The following PCDH15 variants were observed in gnomAD, a reference collection of about 807,000 sequenced individuals.
PCDH15 encodes the protein protocadherin-15.
Under a neutral mutation model 178.5 loss-of-function variants are expected in PCDH15, and 129 were observed. The observed-to-expected ratio is 0.72, with a 90% CI of 0.63 to 0.84. PCDH15 has a LOEUF of 0.84. PCDH15 is among the 40% of genes least tolerant of loss of function. PCDH15 has a pLI of 0.00. For missense variants in PCDH15, 2,230 were observed against 2,099.9 expected, an observed-to-expected ratio of 1.06 and a Z score of -1.21; for synonymous variants, 800 against 732.0, an observed-to-expected ratio of 1.09 and a Z score of -1.50.
At chr10:54,392,351 A>G (rs988032381) in intron 3 of PCDH15, among the ~76,000 whole-genome samples, 9 of 151,192 alleles carry the variant, frequency 6.0e-5, no homozygotes, top group African/African-American at 1.9e-4. Flanking sequence ...CTGTGATCCC[A>G]GCTACTTGGG....
At chr10:54,151,696 T>C (rs1402010852) in intron 14 of PCDH15, among the ~76,000 whole-genome samples, 17 of 152,104 alleles carry the variant, frequency 1.1e-4, no homozygotes, top group African/African-American at 4.1e-4. Context: ...AAATGCAAAA[T>C]GTTCTTGGAT....
intron 1 of PCDH15, among the ~76,000 whole-genome samples, chr10:55,220,671 T>TA (rs1306855959): frequency 6.6e-6 from 1 of 152,076 alleles, no homozygotes; most frequent in East Asian, 1.9e-4. Flanking sequence ...TTAGAAAAGA[T>TA]ACAGTGAAAA....
chr10:55,350,035 C>G (rs1165351495), intron 2 of PCDH15, among the ~76,000 whole-genome samples: 1 of 151,572 alleles, frequency 6.6e-6, no homozygotes, highest in African/African-American at 2.4e-5. Flanking sequence ...GCCACTTCCT[C>G]TCAATTTTCT....
rs527756298 is a variant in PCDH15 at position 54,596,178 on chromosome 10, A to G, written c.91+67994T>C. 3.9e-5 allele frequency among the ~76,000 whole-genome samples: 6 copies of G among 152,282 alleles called. No homozygotes were observed. In the South Asian group the frequency reaches 1.2e-3, roughly 32 times the overall value. On this transcript the variant is annotated intron_variant, in intron 2 of 37. Transcript: ENST00000644397. ...ATAATTATCAGGTTCTGTAAGGTCAAAATGAAAGAAAAAAATGTTAAAAGT... is the reference window on the plus strand; with the variant it reads ...ATAATTATCAGGTTCTGTAAGGTCAGAATGAAAGAAAAAAATGTTAAAAGT...
intron 2 of PCDH15, among the ~76,000 whole-genome samples, chr10:55,008,298 T>C (rs1435487390): frequency 2.0e-5 from 3 of 152,044 alleles, no homozygotes; most frequent in Admixed American, 6.6e-5. Flanking sequence ...TTTAACTCTA[T>C]GGGCACATGT....
At position 54,066,891 on chromosome 10, in the gene PCDH15, A is replaced by G. The variant is rs780684363; in HGVS notation, c.2092-6T>C. The G allele has an allele frequency of 1.9e-6, 3 of 1,612,794 alleles. No homozygotes were observed. The South Asian group carries it at 3.3e-5, about 18-fold the overall frequency. On this transcript the variant is annotated splice_polypyrimidine_tract_variant and splice_region_variant and intron_variant, in intron 17 of 37. Coordinates refer to ENST00000644397, the MANE Select transcript of PCDH15 (RefSeq NM_001384140.1). ...TTTACTGTGGCAGTTGAGGTCTTAA[A>G]GAAAAACACAAGCATTAAATGTGAG...
At chr10:55,521,938 C>A (rs922394935) in intron 2 of PCDH15, among the ~76,000 whole-genome samples, 1 of 151,862 alleles carries the variant, frequency 6.6e-6, no homozygotes, top group African/African-American at 2.4e-5. Flanking sequence ...ATGTTGCTAG[C>A]TGGGAAAATG....
chr10:55,420,929 A>T (rs1838605836), intron 2 of PCDH15, among the ~76,000 whole-genome samples: 2 of 151,730 alleles, frequency 1.3e-5, no homozygotes, highest in South Asian at 4.1e-4. Context: ...TATCTGCTTT[A>T]AAATTACTTA....
At chr10:54,139,138 T>C (rs923797307) in intron 14 of PCDH15, among the ~76,000 whole-genome samples, 1 of 152,174 alleles carries the variant, frequency 6.6e-6, no homozygotes. Context: ...TAGAAGGTTA[T>C]AGAACTATAA....
intron 3 of PCDH15, among the ~76,000 whole-genome samples, chr10:54,419,800 T>C (rs1270741172): frequency 6.6e-6 from 1 of 152,064 alleles, no homozygotes; most frequent in Admixed American, 6.6e-5. Context: ...GAATTTAAAA[T>C]ATACTAAAAG....
intron 2 of PCDH15, among the ~76,000 whole-genome samples, chr10:55,550,767 T>A (rs886487704): frequency 3.3e-5 from 5 of 152,004 alleles, no homozygotes; most frequent in African/African-American, 9.7e-5. Context: ...AAAAGAAAAA[T>A]GTTACCCATA....
chr10:55,465,917 G>C (rs913995450), intron 2 of PCDH15, among the ~76,000 whole-genome samples: 1 of 152,054 alleles, frequency 6.6e-6, no homozygotes, highest in Non-Finnish European at 1.5e-5. Flanking sequence ...CTACAAATCA[G>C]TTACCTTACA....
chr10:54,231,133 C>T (rs2054018255), intron 9 of PCDH15, among the ~76,000 whole-genome samples: 1 of 152,160 alleles, frequency 6.6e-6, no homozygotes. Context: ...GGTTTCTCCA[C>T]CATAGGCCTT....
In PCDH15 at chr10:55,441,989, G is replaced by C. The variant is rs564375566; in HGVS notation, c.-156+185636C>G. Among the ~76,000 whole-genome samples, 297 of 152,188 alleles carry C rather than the reference G, an allele frequency of 2.0e-3. 1 individual carries two copies. Among genetic ancestry groups the C allele is most frequent in the Non-Finnish European group, 3.4e-3 (230 of 68,010 alleles). ...GGAATGCTGACAGCCCCCAGCAGGTGGAAGAGGCAAGGAATGGATTATCTG... is the reference window on the plus strand; with the variant it reads ...GGAATGCTGACAGCCCCCAGCAGGTCGAAGAGGCAAGGAATGGATTATCTG... On this transcript the variant is annotated intron_variant, in intron 2 of 5. Coordinates refer to the PCDH15 transcript ENST00000613346.
chr10:53,811,640 T>C (rs753237258), intron 35 of PCDH15, 21 bp from the exon 36 acceptor site: 4 of 1,509,516 alleles, frequency 2.6e-6, no homozygotes, highest in Middle Eastern at 1.7e-4. Context: ...AAAAGAAAAA[T>C]TGCATTTGAA....
chr10:54,374,078 T>C (rs1948067984), intron 4 of PCDH15, among the ~76,000 whole-genome samples: 1 of 152,088 alleles, frequency 6.6e-6, no homozygotes. Flanking sequence ...TGAAAAGGTA[T>C]CTGTGGGCAC....
At chr10:54,287,441 T>C (rs1182308001) in intron 8 of PCDH15, among the ~76,000 whole-genome samples, 2 of 152,198 alleles carry the variant, frequency 1.3e-5, no homozygotes, top group African/African-American at 2.4e-5. Context: ...TGCCTTTTTT[T>C]CTGCAAAACT....
rs181637567 is a variant in PCDH15, at chr10:54,407,068, G to A, written c.158-28126C>T. Among the ~76,000 whole-genome samples, 197 of 152,204 alleles carry A rather than the reference G, an allele frequency of 1.3e-3. 1 individual carries two copies. The highest frequency in any genetic ancestry group is 4.6e-3 in the African/African-American group (192 of 41,546). The stretch of plus-strand genomic sequence containing the variant: ...AAATTTTAAAGTGGACAAAACACTT[G>A]AAAGAAACTTCCTGAAGGAATGTGC... On this transcript the variant is annotated intron_variant, in intron 3 of 37. Coordinates refer to ENST00000644397, the MANE Select transcript of PCDH15 (RefSeq NM_001384140.1).
At chr10:54,660,949 A>G (rs1029505469) in intron 2 of PCDH15, among the ~76,000 whole-genome samples, 8 of 152,114 alleles carry the variant, frequency 5.3e-5, no homozygotes, top group African/African-American at 1.9e-4. Flanking sequence ...TAGGCATTGA[A>G]AAAAACATAC....
Sources: allele counts gnomAD v4.1 joint callset (sites outside exome capture counted in the v4.1 genomes callset), GRCh38; gene constraint gnomAD v4.1.1; transcripts MANE v1.5; gene names NCBI Gene and HGNC (gene_info 2026-07-23, HGNC 2026-07-21).